ZIC3: variants seen among roughly 807,000 people sequenced by gnomAD.
ZIC3 encodes zinc finger protein ZIC 3.
Under a neutral mutation model 18.3 loss-of-function variants are expected in ZIC3, and 6 were observed. That is an observed-to-expected ratio of 0.33 (90% confidence interval 0.18 to 0.65). ZIC3 has a LOEUF of 0.65. Ranked by LOEUF, ZIC3 falls within the 30% of genes least tolerant of loss-of-function variation. The pLI, the probability that ZIC3 is intolerant of heterozygous loss-of-function variation, is 0.75. For missense variants in ZIC3, 260 were observed against 410.0 expected (o/e 0.63, Z 3.16); for synonymous variants, 175 against 177.0 (o/e 0.99, Z 0.09).
Position 137,566,724 on chromosome X carries a change from C to G in ZIC3, c.33C>G (p.Phe11Leu). Residue 11 changes from phenylalanine to leucine, a missense_variant, in exon 1 of 3, where the codon TTC (phenylalanine) becomes TTG (leucine). This residue lies in a region of ZIC3 where 183 missense variants were observed against 223.8 expected (regional missense o/e 0.82). Coordinates refer to ENST00000287538, the MANE Select transcript of ZIC3 (RefSeq NM_003413.4). ...TGCTCCTGGACGGAGGCCCGCAGTT[C>G]CCTGGGCTGGGAGTGGGCAGCTTCG... is the stretch of plus-strand genomic sequence containing the variant. MTMLLDGGPQ[F>L]PGLGVGSFGA... The G allele has an allele frequency of 8.3e-7, 1 of 1,198,065 alleles. No homozygotes were observed. Among genetic ancestry groups the G allele is most frequent in the South Asian group, 1.8e-5 (1 of 54,925 alleles).
chrX:137,573,627 G>T (rs1457152712), downstream of ZIC3: 3 of 112,877 alleles, frequency 2.7e-5, no homozygotes, highest in Non-Finnish European at 1.9e-5. Flanking sequence ...TAACATGTAA[G>T]TTTGTGGAAG....
At position 137,569,029 on chromosome X, in the gene ZIC3, C is replaced by G. The variant is rs755253459; in HGVS notation, c.1188C>G (p.Ser396=). 1 of 1,211,523 alleles carries G rather than the reference C, an allele frequency of 8.3e-7. No homozygotes were observed. The highest frequency in any genetic ancestry group is 1.1e-6 in the Non-Finnish European group (1 of 895,458). ...KPYICKVCDK[S]YTHPSSLRKH... ...ATATCTGCAAAGTGTGCGACAAGTC[C>G]TACACGCACCCGAGCTCCCTGCGCA... The change falls in exon 2 of 3, where the codon TCC becomes TCG. Residue 396 remains serine (S), a synonymous_variant. Coordinates refer to ENST00000287538, the MANE Select transcript of ZIC3 (RefSeq NM_003413.4).
In ZIC3 at chrX:137,566,539, G is replaced by A. The variant is rs1361369045; in HGVS notation, c.-153G>A. 1.1e-6 allele frequency: 1 copy of A among 886,089 alleles called. No individual in the cohort carries two copies. Among genetic ancestry groups the A allele is most frequent in the African/African-American group, 2.2e-5 (1 of 46,334 alleles). 73.0% of individuals were successfully genotyped at this position (886,089 alleles called of 1,213,427 possible). A position where few individuals can be genotyped will look rare whatever the true frequency, so the allele number is the denominator to read the frequency against. On this transcript the variant is annotated 5_prime_UTR_variant, in exon 1 of 3. Transcript: ENST00000287538. ...CTCTGCAGGAGACTCTTGCAGTGAC[G>A]GAAAGTTGCAGCCCCTGGTAGCGCC...
In ZIC3 at chrX:137,569,041, G is replaced by C; in HGVS notation, c.1200G>C (p.Pro400=). ...CKVCDKSYTH[P]SSLRKHMKVH... ...TGTGCGACAAGTCCTACACGCACCC[G>C]AGCTCCCTGCGCAAACACATGAAGG... The change falls in exon 2 of 3, where the codon CCG becomes CCC. Residue 400 remains proline, a synonymous_variant. Transcript: ENST00000287538. 8.3e-7 allele frequency: 1 copy of C among 1,211,428 alleles called. No individual in the cohort carries two copies. The highest frequency in any genetic ancestry group is 1.8e-5 in the South Asian group (1 of 56,947).
rs1931397389 is a variant in ZIC3, at chrX:137,568,984, G to A, written c.1143G>A (p.Val381=). The A allele has an allele frequency of 8.3e-7, 1 of 1,208,876 alleles. No homozygotes were observed. Among genetic ancestry groups the A allele is most frequent in the Non-Finnish European group, 1.1e-6 (1 of 894,999 alleles). ...NSSDRKKHMH[V]HTSDKPYICK... ...GCGACCGTAAGAAGCACATGCATGT[G>A]CATACCTCGGACAAGCCCTATATCT... The change falls in exon 2 of 3, where the codon GTG becomes GTA. Residue 381 remains valine (V), a synonymous_variant. Coordinates refer to ENST00000287538, the MANE Select transcript of ZIC3 (RefSeq NM_003413.4).
chrX:137,569,723 C>T (rs1223932767), intron 2 of ZIC3, among the ~76,000 whole-genome samples, 168 bp from the exon 3 acceptor site: 1 of 112,143 alleles, frequency 8.9e-6, no homozygotes, highest in African/African-American at 3.2e-5. Flanking sequence ...GCGAACATCT[C>T]CGGGTTTTCT....
Position 137,571,607 on chromosome X carries a change from T to C in ZIC3, c.*1537T>C, listed in dbSNP as rs957867395. The C allele has an allele frequency of 8.9e-6, 1 of 112,716 alleles. No homozygotes were observed. Among genetic ancestry groups the C allele is most frequent in the Non-Finnish European group, 1.9e-5 (1 of 53,314 alleles). The allele number at this position is 112,716 out of a possible 1,213,427, so 9.3% of individuals were successfully genotyped here. ...CTGCAGCAGTTCTGAAATGATGCTA[T>C]GGGAAAAAAATTGCAAAATATGTAT... On this transcript the variant is annotated 3_prime_UTR_variant, in exon 3 of 3. Coordinates refer to ENST00000287538, the MANE Select transcript of ZIC3 (RefSeq NM_003413.4).
Position 137,566,807 on chromosome X carries a change from C to T in ZIC3, c.116C>T (p.Pro39Leu), listed in dbSNP as rs1302645424. Residue 39 changes from proline (P) to leucine (L), a missense_variant, in exon 1 of 3, where the codon CCC becomes CTC. Coordinates refer to ENST00000287538, the MANE Select transcript of ZIC3 (RefSeq NM_003413.4). Reference protein sequence around the residue: ...NREPAGMGLNPFGDSTHAAAA... With the variant: ...NREPAGMGLNLFGDSTHAAAA... Reference sequence around the variant, plus strand: ...GAGCCGGCAGGCATGGGGCTGAATCCCTTCGGGGACTCAACCCACGCCGCC... The same window carrying T: ...GAGCCGGCAGGCATGGGGCTGAATCTCTTCGGGGACTCAACCCACGCCGCC... 6 of 1,171,399 alleles carry T rather than the reference C, an allele frequency of 5.1e-6. No homozygotes were observed. Among genetic ancestry groups the T allele is most frequent in the Non-Finnish European group, 6.8e-6 (6 of 877,861 alleles).
downstream of ZIC3, among the ~76,000 whole-genome samples, chrX:137,574,504 C>A (rs1369817759): frequency 8.8e-6 from 1 of 113,502 alleles, no homozygotes; most frequent in Non-Finnish European, 1.9e-5. Flanking sequence ...ACCCCTCCCC[C>A]GCTTCCCCGT....
chrX:137,569,279 AG>A (rs1351878804), intron 2 of ZIC3, among the ~76,000 whole-genome samples: 2 of 110,633 alleles, frequency 1.8e-5, no homozygotes, highest in Non-Finnish European at 3.8e-5. Flanking sequence ...GAGGAAGCGG[AG>A]GGAACAATCG....
chrX:137,567,462 C>T lies in ZIC3; in HGVS notation c.771C>T (p.Asp257=), dbSNP rs773238245. 8.3e-7 allele frequency: 1 copy of T among 1,211,763 alleles called. No homozygotes were observed. The highest frequency in any genetic ancestry group is 2.2e-5 in the Admixed American group (1 of 46,108). ...IKQELSCKWI[D]EAQLSRPKKS... The stretch of plus-strand genomic sequence containing the variant: ...AGGAGCTGTCGTGCAAGTGGATCGA[C>T]GAGGCTCAGCTGAGCCGGCCCAAGA... Residue 257 remains aspartate (D), a synonymous_variant, in exon 1 of 3, where the codon GAC becomes GAT. Coordinates refer to ENST00000287538, the MANE Select transcript of ZIC3 (RefSeq NM_003413.4).
At chrX:137,574,916 A>G (rs1404434518), downstream of ZIC3, among the ~76,000 whole-genome samples, 2 of 112,465 alleles carry the variant, frequency 1.8e-5, no homozygotes, top group Non-Finnish European at 3.8e-5. Flanking sequence ...ATTGTTAAAA[A>G]AACGGAAGCG....
intron 2 of ZIC3, among the ~76,000 whole-genome samples, 179 bp downstream of exon 2, chrX:137,569,244 C>T (rs866065436): frequency 1.2e-4 from 3 of 24,786 alleles, no homozygotes; most frequent in Non-Finnish European, 7.6e-5. Context: ...AGGGGGTGGG[C>T]GGGAGTGAGC....
Position 137,570,205 on chromosome X carries a change from C to T in ZIC3, c.*135C>T. On this transcript the variant is annotated 3_prime_UTR_variant, in exon 3 of 3. Transcript: ENST00000287538. ...GCTACATCTTGTTAATTGCAATTGT[C>T]CAGGAAGGTTTTGGGCAAGATCCAA... The T allele has an allele frequency of 2.5e-6, 2 of 804,675 alleles. No individual in the cohort carries two copies. Among genetic ancestry groups the T allele is most frequent in the Non-Finnish European group, 3.7e-6 (2 of 543,181 alleles). The allele number at this position is 804,675 out of a possible 1,213,427, so 66.3% of individuals were successfully genotyped here. A position where few individuals can be genotyped will look rare whatever the true frequency, so the allele number is the denominator to read the frequency against.
Position 137,570,067 on chromosome X carries a change from C to G in ZIC3, c.1401C>G (p.Val467=). Residue 467 remains valine (V), a synonymous_variant, in exon 3 of 3, where the codon GTC becomes GTG. Transcript: ENST00000287538. ...CTCCTAATTTTAACGAATGGTACGTCTGAGGACAAACACAAACCCTGTTAA... is the reference window on the plus strand; with the variant it reads ...CTCCTAATTTTAACGAATGGTACGTGTGAGGACAAACACAAACCCTGTTAA... The part of the protein sequence containing the change: ...GLPPNFNEWY[V] 2.5e-6 allele frequency: 3 copies of G among 1,211,178 alleles called. No individual in the cohort carries two copies. Among genetic ancestry groups the G allele is most frequent in the Non-Finnish European group, 3.4e-6 (3 of 894,975 alleles).
Position 137,569,899 on chromosome X carries a change from A to C in ZIC3, c.1233A>C (p.Glu411Asp). 8.3e-7 allele frequency: 1 copy of C among 1,210,616 alleles called. No individual in the cohort carries two copies. The highest frequency in any genetic ancestry group is 1.8e-5 in the South Asian group (1 of 56,804). Residue 411 changes from glutamate (E) to aspartate (D), a missense_variant, in exon 3 of 3, where the codon GAA becomes GAC. This residue lies in a region of ZIC3 where 52 missense variants were observed against 111.5 expected (regional missense o/e 0.47). Transcript: ENST00000287538. ...ATACATGTTAATTTTAGGTTCATGA[A>C]TCTCAAGGGTCAGATTCCTCCCCTG... ...SSLRKHMKVH[E>D]SQGSDSSPAA...
chrX:137,577,581 TTAAAAC>T (rs1226237949), exon 3 of ZIC3: 5 of 140,898 alleles, frequency 3.5e-5, no homozygotes, highest in Non-Finnish European at 6.9e-5. Context: ...ACTAAAGTGT[TTAAAAC>T]TAGAAACATG....
At chrX:137,576,744 ATC>A (rs1244294454), downstream of ZIC3, among the ~76,000 whole-genome samples, 2 of 112,328 alleles carry the variant, frequency 1.8e-5, no homozygotes, top group Non-Finnish European at 3.8e-5. Context: ...ACTGAAGAAA[ATC>A]TCTTTCATTA....
chrX:137,569,320 C>A (rs1236583434), intron 2 of ZIC3, among the ~76,000 whole-genome samples: 1 of 112,073 alleles, frequency 8.9e-6, no homozygotes, highest in Admixed American at 9.4e-5. Flanking sequence ...TAGCCGAGCT[C>A]GCCTGGGCTT....
Sources: gnomAD v4.1 joint callset for allele counts (sites outside exome capture counted in the v4.1 genomes callset) on GRCh38, gnomAD v4.1.1 for gene constraint, gnomAD v4.1.1 regional missense constraint, MANE v1.5 for transcripts, NCBI Gene and HGNC (gene_info 2026-07-23, HGNC 2026-07-21) for gene names.